The following PRKAR1A variants were observed in gnomAD, a reference collection of about 807,000 sequenced individuals.
PRKAR1A encodes cAMP-dependent protein kinase type I-alpha regulatory subunit.
In PRKAR1A, 3 loss-of-function variants were observed where a neutral mutation model predicts 52.0. The observed-to-expected ratio is 0.06, with a 90% CI of 0.03 to 0.15. The LOEUF is 0.15. PRKAR1A is among the 10% of genes least tolerant of loss of function. The pLI is 1.00. For missense variants in PRKAR1A, 240 were observed against 477.4 expected (o/e 0.50, Z 4.63); for synonymous variants, 188 against 168.4 (o/e 1.12, Z -0.90).
chr17:68,529,153 A>G (rs542149661), intron 9 of PRKAR1A, among the ~76,000 whole-genome samples, 162 bp downstream of exon 9: 3 of 152,306 alleles, frequency 2.0e-5, no homozygotes, highest in South Asian at 4.1e-4. Context: ...ATTATCTTTT[A>G]CTTTGAAATG....
chr17:68,496,818 C>CTTTTT, the PRKAR1A span, among the ~76,000 whole-genome samples: 762 of 91,160 alleles, frequency 8.4e-3, 29 homozygotes, highest in East Asian at 0.011. Flanking sequence ...TTAGTTTTTA[C>CTTTTT]TTTTTTTTTT....
chr17:68,510,298 T>C (rs992202205), upstream of PRKAR1A, among the ~76,000 whole-genome samples: 1 of 152,152 alleles, frequency 6.6e-6, no homozygotes, highest in Non-Finnish European at 1.5e-5. Context: ...CCATGTCTCA[T>C]GTTTTTTTCT....
chr17:68,543,762 A>G, intron 11 of PRKAR1A: 1 of 1,549,998 alleles, frequency 6.5e-7, no homozygotes, highest in Non-Finnish European at 8.9e-7. Flanking sequence ...CTCAGACTTC[A>G]GCTGGGAGCC....
rs2072617113 is a variant in PRKAR1A, at chr17:68,541,959, G to A, written c.974-9125G>A. Reference sequence around the variant, plus strand: ...GTCTGTGGCTACTGTCAAGGACTGGGCTGTGTGGCCTGGGGACCAACTCAC... The same window carrying A: ...GTCTGTGGCTACTGTCAAGGACTGGACTGTGTGGCCTGGGGACCAACTCAC... On this transcript the variant is annotated intron_variant, in intron 11 of 11. Transcript: ENST00000585981. 3.7e-6 allele frequency: 6 copies of A among 1,607,570 alleles called. No individual in the cohort carries two copies. The Admixed American group carries it at 1.0e-4, about 27-fold the overall frequency.
the PRKAR1A span, among the ~76,000 whole-genome samples, chr17:68,447,247 T>C: frequency 6.6e-6 from 1 of 152,194 alleles, no homozygotes. Flanking sequence ...ACTGTAAAAG[T>C]ATGCAAATCT....
chr17:68,550,867 C>T (rs935211251), intron 11 of PRKAR1A, among the ~76,000 whole-genome samples: 8 of 152,226 alleles, frequency 5.3e-5, no homozygotes, highest in Admixed American at 2.0e-4. Context: ...GAGGTGCTTT[C>T]GCCAAAGCAG....
At chr17:68,544,251 C>A (rs572934205) in intron 11 of PRKAR1A, among the ~76,000 whole-genome samples, 47 of 151,920 alleles carry the variant, frequency 3.1e-4, no homozygotes, top group African/African-American at 8.7e-4. Context: ...ACCATCATCC[C>A]CTCAGAGAAA....
At chr17:68,534,560 C>CT (rs34994040), downstream of PRKAR1A, among the ~76,000 whole-genome samples, 2,972 of 110,984 alleles carry the variant, frequency 0.027, 53 homozygotes, top group Admixed American at 0.055. Flanking sequence ...TTTTTAGTGC[C>CT]TTTTTTTTTT....
intron 11 of PRKAR1A, chr17:68,541,264 G>C (rs950900222): frequency 2.8e-5 from 11 of 397,776 alleles, no homozygotes; most frequent in Non-Finnish European, 4.8e-5. Context: ...CTGCTTCCTC[G>C]TCCCTCCACA....
At chr17:68,523,995 G>A (rs376379345) in intron 4 of PRKAR1A, 21 bp from the exon 5 acceptor site, 56 of 1,613,222 alleles carry the variant, frequency 3.5e-5, no homozygotes, top group African/African-American at 5.3e-5. Context: ...AATGTAACAC[G>A]AGGCCTTCTC....
rs750536611 is a variant in PRKAR1A, at chr17:68,515,389, C to T, written c.-6-5C>T. ...TACAAGCATGTGTGTGTTTTTTTCT[C>T]GCAGAGAACCATGGAGTCTGGCAGT... On this transcript the variant is annotated splice_polypyrimidine_tract_variant and splice_region_variant and intron_variant, in intron 1 of 10. Transcript: ENST00000589228. 4.2e-5 allele frequency: 67 copies of T among 1,612,664 alleles called. No homozygotes were observed. The East Asian group carries it at 9.4e-4, about 23-fold the overall frequency.
At position 68,532,274 on chromosome 17, in the gene PRKAR1A, ATGTACT is replaced by A; in HGVS notation, c.*1827_*1832del. 9.6e-7 allele frequency: 1 copy of A among 1,043,980 alleles called. No individual in the cohort carries two copies. The highest frequency in any genetic ancestry group is 1.2e-6 in the Non-Finnish European group (1 of 859,906). 64.7% of individuals were successfully genotyped at this position (1,043,980 alleles called of 1,614,324 possible). A position where few individuals can be genotyped will look rare whatever the true frequency, so the allele number is the denominator to read the frequency against. On this transcript the variant is annotated 3_prime_UTR_variant, in exon 11 of 11. Transcript: ENST00000589228. ...ATTTGATCTTTGTTTAAATGCCAAA[ATGTACT>A]TAAATGAGTTACTTAGAATGCCATA...
chr17:68,530,649 A>C lies in PRKAR1A; in HGVS notation c.*200A>C. The stretch of plus-strand genomic sequence containing the variant: ...AATGCTCATACACAGTTAAATAAAT[A>C]GAAAGAGTTCTATGGAGACTTTGCT... On this transcript the variant is annotated 3_prime_UTR_variant, in exon 11 of 11. Coordinates refer to ENST00000589228, the MANE Select transcript of PRKAR1A (RefSeq NM_002734.5). 1.4e-6 allele frequency: 2 copies of C among 1,478,986 alleles called. No individual in the cohort carries two copies. The highest frequency in any genetic ancestry group is 2.1e-4 in the Middle Eastern group (1 of 4,688). 91.6% of individuals were successfully genotyped at this position (1,478,986 alleles called of 1,614,324 possible). A position where few individuals can be genotyped will look rare whatever the true frequency, so the allele number is the denominator to read the frequency against.
At chr17:68,437,026 G>GTGTGTGTGTA in the PRKAR1A span, among the ~76,000 whole-genome samples, 2 of 148,186 alleles carry the variant, frequency 1.3e-5, no homozygotes, top group African/African-American at 2.5e-5. Flanking sequence ...ATGTGTGTGT[G>GTGTGTGTGTA]TGTGTGTGTG....
the PRKAR1A span, among the ~76,000 whole-genome samples, chr17:68,501,933 T>C: frequency 0.13 from 19,076 of 152,242 alleles, 1,234 homozygotes; most frequent in Middle Eastern, 0.16. Context: ...GGTATCATCT[T>C]TGAGTCCTTC....
Position 68,525,748 on chromosome 17 carries a change from CT to C in PRKAR1A, c.550-3del, listed in dbSNP as rs765091500. ...ATAAACTTTTTTGATGTCACTTGCA[CT>C]TTAGGTCTATGTTAACAATGAATGG... On this transcript the variant is annotated splice_region_variant and splice_polypyrimidine_tract_variant and intron_variant, in intron 6 of 10. Transcript: ENST00000589228. 1 of 1,613,450 alleles carries C rather than the reference CT, an allele frequency of 6.2e-7. No individual in the cohort carries two copies. Among genetic ancestry groups the C allele is most frequent in the East Asian group, 2.2e-5 (1 of 44,852 alleles).
chr17:68,449,881 C>T, the PRKAR1A span, among the ~76,000 whole-genome samples: 8 of 152,104 alleles, frequency 5.3e-5, no homozygotes, highest in Non-Finnish European at 1.2e-4. Context: ...CGTGGTGGTG[C>T]CCACCTGTAG....
At chr17:68,490,449 G>C in the PRKAR1A span, among the ~76,000 whole-genome samples, 1 of 152,196 alleles carries the variant, frequency 6.6e-6, no homozygotes, top group Non-Finnish European at 1.5e-5. Context: ...TCTTAGCCCT[G>C]TCCTCCTATT....
chr17:68,515,189 C>A (rs996260219), intron 1 of PRKAR1A: 3 of 598,972 alleles, frequency 5.0e-6, no homozygotes, highest in Non-Finnish European at 5.9e-6. Context: ...GAGCACAGAT[C>A]CTGAACTAAA....
Sources: gnomAD v4.1 joint callset for allele counts (sites outside exome capture counted in the v4.1 genomes callset) on GRCh38, gnomAD v4.1.1 for gene constraint, MANE v1.5 for transcripts, NCBI Gene and HGNC (gene_info 2026-07-23, HGNC 2026-07-21) for gene names.